Variants in HELZ2 observed in about 807,000 individuals in gnomAD.
HELZ2 encodes the protein helicase with zinc finger 2.
A neutral mutation model predicts 208.8 loss-of-function variants in HELZ2; 143 were observed. The observed-to-expected ratio is 0.68, with a 90% CI of 0.60 to 0.79. The LOEUF is 0.79. HELZ2 is among the 30% of genes least tolerant of loss of function. The pLI is 0.00. For synonymous variants in HELZ2, 1,705 were observed against 1,693.7 expected, an observed-to-expected ratio of 1.01 and a Z score of -0.16; for missense variants, 3,690 against 3,794.5, an observed-to-expected ratio of 0.97 and a Z score of 0.72.
At chr20:63,569,872 G>C in intron 3 of HELZ2, among the ~76,000 whole-genome samples, 1 of 152,326 alleles carries the variant, frequency 6.6e-6, no homozygotes, top group Non-Finnish European at 1.5e-5. Flanking sequence ...GGGCCCCTGT[G>C]GATGTCCCGT....
upstream of HELZ2, chr20:63,572,880 G>A (rs1428693064): frequency 6.4e-6 from 1 of 155,484 alleles, no homozygotes. Flanking sequence ...AGGGGCCTTG[G>A]GAAGGTGGGC....
At chr20:63,564,376 C>A in exon 8 of HELZ2, 1 of 1,558,244 alleles carries the variant, frequency 6.4e-7, no homozygotes, top group Non-Finnish European at 8.7e-7. Flanking sequence ...CGCAGGCGTC[C>A]ACGGAGTCCA....
At chr20:63,561,012 C>G (rs1344741952) in intron 14 of HELZ2, 70 bp downstream of exon 15, 1 of 1,594,572 alleles carries the variant, frequency 6.3e-7, no homozygotes, top group African/African-American at 1.3e-5. Context: ...TCTGCACACA[C>G]AGGGCACCCC....
At chr20:63,568,604 A>C (rs1428350788) in exon 5 of HELZ2, 7 of 1,598,590 alleles carry the variant, frequency 4.4e-6, no homozygotes, top group Non-Finnish European at 5.9e-6. Flanking sequence ...CAAGTCGGGC[A>C]CCACCAGCTG....
chr20:63,563,157 T>C (rs34980032), exon 8 of HELZ2: 56,004 of 1,591,784 alleles, frequency 0.035, 2,079 homozygotes, highest in African/African-American at 0.17. Flanking sequence ...TGCAGGCTGG[T>C]GCCGAGCTGC....
chr20:63,563,421 A>T, exon 8 of HELZ2: 1 of 1,532,824 alleles, frequency 6.5e-7, no homozygotes, highest in Non-Finnish European at 8.7e-7. Context: ...CCCTGCGCTG[A>T]GTAGACACGG....
At chr20:63,572,245 G>T (rs2146024576) in exon 1 of HELZ2, 1 of 1,590,662 alleles carries the variant, frequency 6.3e-7, no homozygotes, top group East Asian at 2.3e-5. Flanking sequence ...AGTGGCAGGT[G>T]ACCAAGCAGG....
At chr20:63,572,558 C>T, upstream of HELZ2, 7 of 668,568 alleles carry the variant, frequency 1.0e-5, no homozygotes, top group South Asian at 1.2e-4. Context: ...GAGGGAGGGG[C>T]AGGCTCCGTG....
downstream of HELZ2, chr20:63,559,132 G>A: frequency 8.4e-7 from 1 of 1,191,416 alleles, no homozygotes; most frequent in South Asian, 1.6e-5. Flanking sequence ...GGGAGATCCT[G>A]AGGCCAGGAG....
At chr20:63,559,196 C>G (rs988468231), downstream of HELZ2, 13 of 1,467,036 alleles carry the variant, frequency 8.9e-6, no homozygotes, top group Non-Finnish European at 1.2e-5. Context: ...GGTGGGGGGG[C>G]CCTGGACTTT....
At chr20:63,560,529 C>T (rs766950715) in exon 16 of HELZ2, 4 of 1,613,058 alleles carry the variant, frequency 2.5e-6, no homozygotes, top group Non-Finnish European at 3.4e-6. Context: ...TTCCCTTCGT[C>T]CGTGGACACC....
intron 17 of HELZ2, 33 bp downstream of exon 18, chr20:63,560,138 C>G (rs1204055943): frequency 4.5e-6 from 7 of 1,550,946 alleles, no homozygotes; most frequent in Non-Finnish European, 6.1e-6. Context: ...TGCGCCCACC[C>G]TCCCGGCCCC....
chr20:63,566,059 G>T, exon 8 of HELZ2: 1 of 1,588,912 alleles, frequency 6.3e-7, no homozygotes, highest in Non-Finnish European at 8.5e-7. Flanking sequence ...CGCAGGCCCC[G>T]AAGGAGCAGA....
chr20:63,558,387 TGGGGC>T (rs2082837709), downstream of HELZ2: 1 of 104,132 alleles, frequency 9.6e-6, no homozygotes, highest in African/African-American at 3.4e-5. Flanking sequence ...TGGGGTGGGG[TGGGGC>T]GGGGTGGGCC....
At chr20:63,566,933 C>T (rs1392103719) in exon 6 of HELZ2, 26 of 1,610,516 alleles carry the variant, frequency 1.6e-5, no homozygotes, top group Non-Finnish European at 1.9e-5. Flanking sequence ...TGCACCTTCT[C>T]GACGACCTGC....
At chr20:63,573,008 C>T (rs1017829149), upstream of HELZ2, 5 of 152,628 alleles carry the variant, frequency 3.3e-5, no homozygotes, top group South Asian at 8.3e-4. This position sits in a 1 kb window ranked among gnomAD's most constrained non-coding sequence, Gnocchi z 4.9. Context: ...TTCATTGAGC[C>T]GCTGGGTGCA....
chr20:63,561,385 C>G (rs1272634304), exon 13 of HELZ2: 5 of 1,613,110 alleles, frequency 3.1e-6, no homozygotes, highest in East Asian at 4.5e-5. Flanking sequence ...GCTCCCCTCT[C>G]TGCAGCCGGG....
intron 1 of HELZ2, 37 bp downstream of exon 2, chr20:63,572,071 C>T (rs1433048832): frequency 6.4e-7 from 1 of 1,565,444 alleles, no homozygotes; most frequent in Non-Finnish European, 8.7e-7. Context: ...TGGTGGGCTC[C>T]TGCCCTACTC....
rs561098234 is a variant in HELZ2, at chr20:63,565,694, G to A, written c.3128C>T (p.Ala1043Val). Residue 1043 changes from alanine to valine, a missense_variant, in exon 8 of 19, where the codon GCG (alanine) becomes GTG (valine). Transcript: ENST00000467148. ...GGACTCCACGCCCGCTGCAGCAGCCGCTCCTGCCGCACAGGCCCCGGGCAC... is the reference window on the plus strand; with the variant it reads ...GGACTCCACGCCCGCTGCAGCAGCCACTCCTGCCGCACAGGCCCCGGGCAC... 9.0e-5 allele frequency: 144 copies of A among 1,608,302 alleles called. 3 individuals are homozygous for A. In the South Asian group the frequency reaches 1.3e-3, roughly 15 times the overall value.
Sources: allele counts gnomAD v4.1 joint callset (sites outside exome capture counted in the v4.1 genomes callset), GRCh38; gene constraint gnomAD v4.1.1; non-coding constraint Gnocchi (gnomAD v3.1); transcripts MANE v1.5; gene names NCBI Gene and HGNC (gene_info 2026-07-23, HGNC 2026-07-21).